The following ADGRL4 variants were observed in gnomAD, a reference collection of about 807,000 sequenced individuals.
ADGRL4 encodes the protein adhesion G protein-coupled receptor L4.
In ADGRL4, 90 loss-of-function variants were observed where a neutral mutation model predicts 74.8. The ratio of observed to expected loss-of-function variants is 1.20; its 90% CI spans 1.02 to 1.43. The LOEUF (loss-of-function observed/expected upper bound fraction) is 1.43. ADGRL4 is among the 40% of genes most tolerant of loss of function. The pLI is 0.00. For synonymous variants in ADGRL4, 311 were observed against 279.2 expected (o/e 1.11, Z -1.14); for missense variants, 881 against 814.3 (o/e 1.08, Z -1.00).
Position 78,890,944 on chromosome 1 carries a change from T to A in ADGRL4, c.*210A>T. ...CAATACTATTTTTGACAGAACTATTTCACATAGAAAAACATAGTATATCTA... is the reference window on the plus strand; with the variant it reads ...CAATACTATTTTTGACAGAACTATTACACATAGAAAAACATAGTATATCTA... On this transcript the variant is annotated 3_prime_UTR_variant, in exon 15 of 15. Coordinates refer to ENST00000370742, the MANE Select transcript of ADGRL4 (RefSeq NM_022159.4). 2 of 560,304 alleles carry A rather than the reference T, an allele frequency of 3.6e-6. No homozygotes were observed. Among genetic ancestry groups the A allele is most frequent in the Non-Finnish European group, 6.4e-6 (2 of 310,852 alleles). 34.7% of individuals were successfully genotyped at this position (560,304 alleles called of 1,614,324 possible).
chr1:78,908,424 A>C (rs1405572041), intron 12 of ADGRL4, among the ~76,000 whole-genome samples: 2 of 152,084 alleles, frequency 1.3e-5, no homozygotes, highest in African/African-American at 4.8e-5. Context: ...AGCTTTAAAA[A>C]GTTATAAATA....
chr1:78,914,105 T>C (rs1648818906), intron 12 of ADGRL4, among the ~76,000 whole-genome samples: 1 of 151,880 alleles, frequency 6.6e-6, no homozygotes, highest in South Asian at 2.1e-4. Context: ...GAATCTGGCA[T>C]GCTTATAAGG....
At chr1:79,002,781 T>C (rs1189807490) in intron 2 of ADGRL4, among the ~76,000 whole-genome samples, 2 of 152,092 alleles carry the variant, frequency 1.3e-5, no homozygotes, top group African/African-American at 4.8e-5. Flanking sequence ...TATTCTAATG[T>C]TGATGTGATT....
chr1:78,978,601 C>T (rs1650337418), intron 2 of ADGRL4, among the ~76,000 whole-genome samples: 2 of 132,182 alleles, frequency 1.5e-5, no homozygotes, highest in Non-Finnish European at 3.3e-5. Flanking sequence ...GCAGGATTTC[C>T]CAAGAAACCT....
intron 2 of ADGRL4, among the ~76,000 whole-genome samples, chr1:78,962,184 C>T (rs929915557): frequency 3.9e-5 from 6 of 152,096 alleles, no homozygotes; most frequent in African/African-American, 1.4e-4. Context: ...CCCGGCCTTC[C>T]AGGCTATAAT....
At chr1:78,891,449 T>C in intron 14 of ADGRL4, 75 bp downstream of exon 14, 5 of 1,454,936 alleles carry the variant, frequency 3.4e-6, no homozygotes, top group Non-Finnish European at 4.7e-6. Context: ...TCTATGAGAG[T>C]AAGAATTTTC....
chr1:78,938,513 T>A (rs989366180), intron 4 of ADGRL4, among the ~76,000 whole-genome samples: 29 of 122,280 alleles, frequency 2.4e-4, no homozygotes, highest in African/African-American at 7.3e-4. Context: ...AAATAGAGCA[T>A]GTTTGAATTA....
chr1:78,939,039 A>G, intron 4 of ADGRL4, 149 bp downstream of exon 4: 1 of 1,056,768 alleles, frequency 9.5e-7, no homozygotes, highest in Non-Finnish European at 1.2e-6. Flanking sequence ...TTTGATGCAA[A>G]CATGATGCTT....
intron 12 of ADGRL4, among the ~76,000 whole-genome samples, chr1:78,911,646 T>C (rs1002068151): frequency 6.6e-6 from 1 of 151,174 alleles, no homozygotes; most frequent in Non-Finnish European, 1.5e-5. Flanking sequence ...CACACTATAG[T>C]TGGCTACACA....
At chr1:78,920,054 C>T in intron 10 of ADGRL4, 129 bp downstream of exon 10, 1 of 691,938 alleles carries the variant, frequency 1.4e-6, no homozygotes. Flanking sequence ...GAAAGGATAG[C>T]TGAAGAACAA....
intron 12 of ADGRL4, among the ~76,000 whole-genome samples, chr1:78,908,925 C>T (rs985210478): frequency 2.6e-4 from 39 of 151,832 alleles, no homozygotes; most frequent in Non-Finnish European, 5.4e-4. Context: ...TATATAGGAA[C>T]ATATTGAAAC....
chr1:78,956,909 G>C (rs1255844852), intron 2 of ADGRL4, among the ~76,000 whole-genome samples: 1 of 152,100 alleles, frequency 6.6e-6, no homozygotes, highest in Non-Finnish European at 1.5e-5. Context: ...TTTCAGCTCT[G>C]TGTCAATCAA....
At position 78,945,118 on chromosome 1, in the gene ADGRL4, T is replaced by A. The variant is rs191293929; in HGVS notation, c.325+1156A>T. ...AGGCAGAGGTTGCAGTGAGCCGAGA[T>A]CGCACCACTGCACTCCAGCCTGGGC... On this transcript the variant is annotated intron_variant, in intron 3 of 14. Transcript: ENST00000370742. 1.1e-3 allele frequency among the ~76,000 whole-genome samples: 164 copies of A among 146,636 alleles called. 3 individuals carry two copies. The Admixed American group carries it at 0.011, about 10-fold the overall frequency.
chr1:78,946,726 GT>G (rs1649609848), intron 2 of ADGRL4, among the ~76,000 whole-genome samples: 1 of 152,026 alleles, frequency 6.6e-6, no homozygotes, highest in African/African-American at 2.4e-5. Flanking sequence ...TTATAACCAT[GT>G]CAACAAATAT....
chr1:78,916,449 A>C (rs1648874681), intron 12 of ADGRL4, among the ~76,000 whole-genome samples: 1 of 151,920 alleles, frequency 6.6e-6, no homozygotes, highest in Non-Finnish European at 1.5e-5. Flanking sequence ...TTATATTCTT[A>C]TGTGGGTTGG....
chr1:78,997,223 G>A (rs1570279478), intron 2 of ADGRL4, among the ~76,000 whole-genome samples: 1 of 152,140 alleles, frequency 6.6e-6, no homozygotes. Context: ...ATGGTACTGA[G>A]GTGATACACT....
rs1442141933 is a variant in ADGRL4, at chr1:78,971,444, T to C, written c.173-25018A>G. ...TGACCTGCACACTAGGGTGGAGCCA[T>C]GGGAAGTTCACACCCTTTGCAGGGG... On this transcript the variant is annotated intron_variant, in intron 2 of 14. Coordinates refer to ENST00000370742, the MANE Select transcript of ADGRL4 (RefSeq NM_022159.4). 2.0e-5 allele frequency among the ~76,000 whole-genome samples: 3 copies of C among 152,100 alleles called. No individual in the cohort carries two copies. In the East Asian group the frequency reaches 5.8e-4, roughly 30 times the overall value.
intron 2 of ADGRL4, among the ~76,000 whole-genome samples, chr1:78,973,520 A>G (rs923264461): frequency 6.8e-6 from 1 of 147,216 alleles, no homozygotes; most frequent in African/African-American, 2.7e-5. Context: ...AAAATGTAAC[A>G]CACGCAAATC....
chr1:78,959,438 A>G (rs758522433), intron 2 of ADGRL4, among the ~76,000 whole-genome samples: 6 of 152,176 alleles, frequency 3.9e-5, no homozygotes, highest in Non-Finnish European at 8.8e-5. Context: ...CAATACCACC[A>G]TTTGCCAGGC....
Sources: gnomAD v4.1 joint callset for allele counts (sites outside exome capture counted in the v4.1 genomes callset) on GRCh38, gnomAD v4.1.1 for gene constraint, MANE v1.5 for transcripts, NCBI Gene and HGNC (gene_info 2026-07-23, HGNC 2026-07-21) for gene names.